Variants in NBR1 observed in about 807,000 individuals in gnomAD.
The protein encoded by NBR1 is next to BRCA1 gene 1 protein.
NBR1 carries 59 observed loss-of-function variants against 115.5 expected under a neutral mutation model. The ratio of observed to expected loss-of-function variants is 0.51; its 90% CI spans 0.41 to 0.63. NBR1 has a LOEUF of 0.63. Among genes scored for constraint, NBR1 ranks in the 30% least tolerant of loss-of-function variants. The pLI is 0.00. For missense variants in NBR1, 1,043 were observed against 1,150.5 expected, an observed-to-expected ratio of 0.91 and a Z score of 1.35; for synonymous variants, 373 against 414.7, an observed-to-expected ratio of 0.90 and a Z score of 1.22.
intron 16 of NBR1, among the ~76,000 whole-genome samples, chr17:43,198,513 C>T (rs1203330228): frequency 5.9e-5 from 9 of 151,874 alleles, no homozygotes; most frequent in East Asian, 5.8e-4. Context: ...ATTAGCTGGG[C>T]GTGGTAGCGT....
At chr17:43,204,469 A>G (rs2057272399) in intron 20 of NBR1, among the ~76,000 whole-genome samples, 1 of 151,592 alleles carries the variant, frequency 6.6e-6, no homozygotes, top group East Asian at 2.0e-4. Context: ...CAGGAGTTTG[A>G]GACCAGCCTG....
intron 19 of NBR1, 55 bp from the exon 20 acceptor site, chr17:43,203,626 T>G: frequency 8.9e-7 from 1 of 1,122,442 alleles, no homozygotes; most frequent in Non-Finnish European, 1.3e-6. Flanking sequence ...GATTATCTTG[T>G]AAAAAGGTAA....
chr17:43,174,334 C>T (rs1398551410), intron 1 of NBR1, among the ~76,000 whole-genome samples: 4 of 152,124 alleles, frequency 2.6e-5, no homozygotes, highest in Non-Finnish European at 5.9e-5. Context: ...TGGTGGCTCA[C>T]GCCTGTAATC....
Position 43,191,547 on chromosome 17 carries a change from C to T in NBR1, c.1039C>T (p.Arg347Ter), listed in dbSNP as rs1310631053. The T allele has an allele frequency of 3.1e-6, 5 of 1,612,812 alleles. No homozygotes were observed. The highest frequency in any genetic ancestry group is 2.7e-5 in the African/African-American group (2 of 74,886). ...GLQSPKSPLG[R>*]PESLLQSNTL... ...CCAGAGCCCCAAGTCTCCTTTAGGC[C>T]GACCTGAGAGCTTGCTCCAGTCTAA... The change falls in exon 10 of 21, where the codon CGA becomes TGA. Residue 347 changes from arginine (R) to a stop codon, truncating the protein, a stop_gained. Transcript: ENST00000590996. LOFTEE classifies it high-confidence loss of function.
intron 18 of NBR1, 72 bp from the exon 19 acceptor site, chr17:43,202,583 G>T: frequency 9.2e-7 from 1 of 1,081,550 alleles, no homozygotes; most frequent in Non-Finnish European, 1.4e-6. Flanking sequence ...CTCAATAATA[G>T]CCTTGCTGTG....
In NBR1 at chr17:43,202,698, C is replaced by A; in HGVS notation, c.2607C>A (p.Ser869Arg). The A allele has an allele frequency of 6.4e-7, 1 of 1,574,434 alleles. No individual in the cohort carries two copies. The highest frequency in any genetic ancestry group is 1.2e-5 in the South Asian group (1 of 85,670). ...GACTTGTAAACAGCAGACAGAAGAG[C>A]TATGACCACTCAAGGTAACAACCTT... ...SSGLVNSRQK[S>R]YDHSRHHHGS... The change falls in exon 19 of 21, where the codon AGC (serine) becomes AGA (arginine). Residue 869 changes from serine (S) to arginine (R), a missense_variant. By Grantham distance (110) the Ser-to-Arg change is moderately radical. Coordinates refer to ENST00000590996, the MANE Select transcript of NBR1 (RefSeq NM_005899.5).
chr17:43,189,175 G>A (rs1451046890), intron 7 of NBR1, 56 bp downstream of exon 7: 3 of 1,276,540 alleles, frequency 2.4e-6, no homozygotes, highest in Non-Finnish European at 3.4e-6. Context: ...GGTGGAATGT[G>A]GAAGAAATAG....
intron 5 of NBR1, among the ~76,000 whole-genome samples, chr17:43,181,626 A>G (rs2056667231): frequency 6.6e-6 from 1 of 152,100 alleles, no homozygotes; most frequent in Admixed American, 6.6e-5. Flanking sequence ...AGATCGTGCC[A>G]CTGCACTCCA....
chr17:43,181,680 A>G (rs1450043574), intron 5 of NBR1, among the ~76,000 whole-genome samples: 2 of 151,396 alleles, frequency 1.3e-5, no homozygotes, highest in Non-Finnish European at 1.5e-5. Flanking sequence ...AAAAAAACAA[A>G]CAAACCAAAA....
intron 20 of NBR1, among the ~76,000 whole-genome samples, 152 bp downstream of exon 20, chr17:43,203,938 C>CT (rs35909706): frequency 1.5e-3 from 206 of 139,830 alleles, no homozygotes; most frequent in African/African-American, 1.5e-3. Flanking sequence ...AACTCTGCCA[C>CT]TTTTTTTTTT....
chr17:43,182,211 CT>C (rs752789312), intron 5 of NBR1, among the ~76,000 whole-genome samples: 1,646 of 71,602 alleles, frequency 0.023, 14 homozygotes, highest in African/African-American at 0.078. Flanking sequence ...CTGTTCTCTC[CT>C]TTTTTTTTTT....
At chr17:43,201,644 G>A (rs768094629) in intron 17 of NBR1, 42 bp from the exon 18 acceptor site, 2 of 1,196,096 alleles carry the variant, frequency 1.7e-6, no homozygotes, top group South Asian at 2.5e-5. Context: ...GTTGCCATAA[G>A]TGCCTTTTCA....
chr17:43,178,336 C>T (rs1396908385), intron 3 of NBR1, among the ~76,000 whole-genome samples: 1 of 151,482 alleles, frequency 6.6e-6, no homozygotes, highest in Non-Finnish European at 1.5e-5. Flanking sequence ...GTGTGAGACA[C>T]CCACCATGCC....
At chr17:43,195,185 T>C in intron 14 of NBR1, 146 bp downstream of exon 14, 1 of 687,502 alleles carries the variant, frequency 1.5e-6, no homozygotes, top group Non-Finnish European at 2.6e-6. Context: ...TGGATCCGTT[T>C]TTCTTCTTTC....
At chr17:43,175,768 C>T in intron 1 of NBR1, 23 bp from the exon 2 acceptor site, 2 of 1,170,464 alleles carry the variant, frequency 1.7e-6, no homozygotes, top group Non-Finnish European at 2.5e-6. Context: ...TTCTCTCTCT[C>T]CCACCAACCT....
chr17:43,204,018 A>G (rs760468545), intron 20 of NBR1, among the ~76,000 whole-genome samples: 42 of 151,102 alleles, frequency 2.8e-4, no homozygotes, highest in Non-Finnish European at 5.0e-4. Flanking sequence ...GCTCACTGCA[A>G]GCTCCACCTC....
chr17:43,186,312 T>A lies in NBR1; in HGVS notation c.270T>A (p.Asp90Glu). The change falls in exon 6 of 21, where the codon GAT (aspartate) becomes GAA (glutamate). Residue 90 changes from aspartate to glutamate, a missense_variant. Coordinates refer to ENST00000590996, the MANE Select transcript of NBR1 (RefSeq NM_005899.5). ...MQVHEGHHVVDEAPPPVVGAK... is the reference protein window; with the variant it reads ...MQVHEGHHVVEEAPPPVVGAK... ...TCCACGAAGGGCACCATGTCGTTGATGAAGCCCCACCCCCAGTTGTAGGAG... is the reference window on the plus strand; with the variant it reads ...TCCACGAAGGGCACCATGTCGTTGAAGAAGCCCCACCCCCAGTTGTAGGAG... The A allele has an allele frequency of 6.3e-7, 1 of 1,591,498 alleles. No homozygotes were observed.
rs1360039710 is a variant in NBR1, at chr17:43,200,620, A to T, written c.2468+12A>T. ...CCGTCACTGCCCAGGTACCACTCAC[A>T]GCCCCCTCAGCTGGGGTGTTCTTCA... On this transcript the variant is annotated intron_variant, in intron 17 of 20. Coordinates refer to ENST00000590996, the MANE Select transcript of NBR1 (RefSeq NM_005899.5). 1.9e-6 allele frequency: 3 copies of T among 1,585,248 alleles called. No individual in the cohort carries two copies. The highest frequency in any genetic ancestry group is 1.7e-6 in the Non-Finnish European group (2 of 1,161,816).
In NBR1 at chr17:43,194,320, A is replaced by C. The variant is rs750863110; in HGVS notation, c.1525-30A>C. 6 of 1,586,392 alleles carry C rather than the reference A, an allele frequency of 3.8e-6. No individual in the cohort carries two copies. The Admixed American group carries it at 1.1e-4, about 28-fold the overall frequency. The stretch of plus-strand genomic sequence containing the variant: ...GCCTCTTCAGTTCTGTTGAAGGCCT[A>C]AAATTTGTCTCAATGGTTTGTCTCT... On this transcript the variant is annotated intron_variant, in intron 12 of 20. Coordinates refer to ENST00000590996, the MANE Select transcript of NBR1 (RefSeq NM_005899.5).
Sources: gnomAD v4.1 joint callset for allele counts (sites outside exome capture counted in the v4.1 genomes callset) on GRCh38, gnomAD v4.1.1 for gene constraint, MANE v1.5 for transcripts, NCBI Gene and HGNC (gene_info 2026-07-23, HGNC 2026-07-21) for gene names.